CTNNBIP1: variants seen among roughly 807,000 people sequenced by gnomAD.
CTNNBIP1 encodes beta-catenin-interacting protein 1.
In CTNNBIP1, 7 loss-of-function variants were observed where a neutral mutation model predicts 11.8. That is an observed-to-expected ratio of 0.60 (90% CI 0.34 to 1.12). The LOEUF (loss-of-function observed/expected upper bound fraction) is 1.12, where lower values mean the gene tolerates loss of function less well. CTNNBIP1 is among the 50% of genes most tolerant of loss of function. CTNNBIP1 has a pLI of 0.03. For missense variants in CTNNBIP1, 101 were observed against 113.4 expected, an observed-to-expected ratio of 0.89 and a Z score of 0.50; for synonymous variants, 58 against 43.9, an observed-to-expected ratio of 1.32 and a Z score of -1.26.
chr1:9,862,087 G>A (rs569922272), intron 5 of CTNNBIP1, among the ~76,000 whole-genome samples: 1 of 142,378 alleles, frequency 7.0e-6, no homozygotes, highest in South Asian at 2.5e-4. Flanking sequence ...TTTGTGATAT[G>A]TCTTCCCAGG....
At position 9,885,313 on chromosome 1, in the gene CTNNBIP1, C is replaced by T. The variant is rs369099900; in HGVS notation, c.-143-1575G>A. ...GTGGAACAATTTTGGGGGACAATCACGAGCTGAATTTTAGACTTTAAGAGG... is the reference window on the plus strand; with the variant it reads ...GTGGAACAATTTTGGGGGACAATCATGAGCTGAATTTTAGACTTTAAGAGG... On this transcript the variant is annotated intron_variant, in intron 1 of 5. Transcript: ENST00000377263. Among the ~76,000 whole-genome samples, 58 of 152,224 alleles carry T rather than the reference C, an allele frequency of 3.8e-4. 1 individual carries two copies. Among genetic ancestry groups the T allele is most frequent in the African/African-American group, 2.6e-4 (11 of 41,536 alleles).
At chr1:9,886,548 C>T (rs547365366) in intron 1 of CTNNBIP1, among the ~76,000 whole-genome samples, 2 of 152,332 alleles carry the variant, frequency 1.3e-5, no homozygotes, top group African/African-American at 4.8e-5. Context: ...TCAGTCTTCG[C>T]CACACACGTC....
At chr1:9,875,538 G>A (rs754247584) in intron 3 of CTNNBIP1, among the ~76,000 whole-genome samples, 25 of 152,238 alleles carry the variant, frequency 1.6e-4, no homozygotes, top group Non-Finnish European at 3.4e-4. Flanking sequence ...GATTCCTAGG[G>A]CTTGGGCTGC....
chr1:9,898,481 G>T (rs1639455390), intron 1 of CTNNBIP1, among the ~76,000 whole-genome samples: 1 of 152,000 alleles, frequency 6.6e-6, no homozygotes, highest in Non-Finnish European at 1.5e-5. Flanking sequence ...CCAAGATCGT[G>T]CCACTGCACT....
At chr1:9,890,319 A>C (rs987848442) in intron 1 of CTNNBIP1, among the ~76,000 whole-genome samples, 1 of 152,212 alleles carries the variant, frequency 6.6e-6, no homozygotes, top group African/African-American at 2.4e-5. Flanking sequence ...CTATGTCTTC[A>C]GGCTCTACTG....
At chr1:9,868,493 G>A (rs1416550887) in intron 5 of CTNNBIP1, among the ~76,000 whole-genome samples, 1 of 152,210 alleles carries the variant, frequency 6.6e-6, no homozygotes, top group Non-Finnish European at 1.5e-5. Flanking sequence ...CTAGGCAAGA[G>A]TTCTCCTAAA....
intron 1 of CTNNBIP1, among the ~76,000 whole-genome samples, chr1:9,887,759 G>A (rs1193982196): frequency 6.6e-6 from 1 of 151,956 alleles, no homozygotes; most frequent in Non-Finnish European, 1.5e-5. Flanking sequence ...AACGGCTAGA[G>A]TCCAACCCAC....
At chr1:9,880,834 G>A (rs534783005) in intron 2 of CTNNBIP1, among the ~76,000 whole-genome samples, 2 of 152,134 alleles carry the variant, frequency 1.3e-5, no homozygotes, top group African/African-American at 4.8e-5. Flanking sequence ...GTTGTGCACC[G>A]TGAGGCCAGT....
At chr1:9,892,437 AAAG>A (rs1437604281) in intron 1 of CTNNBIP1, among the ~76,000 whole-genome samples, 3 of 151,326 alleles carry the variant, frequency 2.0e-5, no homozygotes, top group African/African-American at 7.3e-5. Context: ...AAAAAAAAAA[AAAG>A]ATTAGCTGGG....
intron 1 of CTNNBIP1, among the ~76,000 whole-genome samples, chr1:9,886,319 C>A (rs1639187245): frequency 6.6e-6 from 1 of 152,220 alleles, no homozygotes. Context: ...CTGCACATTG[C>A]AGAAGCTGAG....
At chr1:9,856,370 A>G (rs1638502716) in intron 5 of CTNNBIP1, among the ~76,000 whole-genome samples, 1 of 152,108 alleles carries the variant, frequency 6.6e-6, no homozygotes, top group African/African-American at 2.4e-5. Context: ...ATAAATAAAT[A>G]AAGAGAACTT....
intron 1 of CTNNBIP1, among the ~76,000 whole-genome samples, chr1:9,903,638 T>C (rs772747577): frequency 2.6e-5 from 4 of 152,162 alleles, no homozygotes; most frequent in Non-Finnish European, 5.9e-5. Flanking sequence ...AACACCACCA[T>C]GCCCCTGGGA....
At chr1:9,904,700 G>A (rs1304973086) in intron 1 of CTNNBIP1, among the ~76,000 whole-genome samples, 10 of 152,218 alleles carry the variant, frequency 6.6e-5, no homozygotes, top group Middle Eastern at 3.4e-3. Context: ...TATGTGTGTC[G>A]CTGATGCATT....
At chr1:9,859,894 G>A (rs1156838730) in intron 5 of CTNNBIP1, among the ~76,000 whole-genome samples, 3 of 152,204 alleles carry the variant, frequency 2.0e-5, no homozygotes, top group Non-Finnish European at 4.4e-5. Flanking sequence ...CTGATCTGTA[G>A]ACCCTGTTCC....
intron 5 of CTNNBIP1, among the ~76,000 whole-genome samples, chr1:9,853,392 T>C (rs1638431596): frequency 6.6e-6 from 1 of 152,218 alleles, no homozygotes; most frequent in South Asian, 2.1e-4. Context: ...GTTCCCCTTT[T>C]CCTCTTCTCT....
intron 5 of CTNNBIP1, among the ~76,000 whole-genome samples, chr1:9,865,785 C>T (rs1638731895): frequency 6.6e-6 from 1 of 152,212 alleles, no homozygotes; most frequent in Non-Finnish European, 1.5e-5. Context: ...TCTGCTCTTT[C>T]TCCCTTTCCC....
intron 1 of CTNNBIP1, among the ~76,000 whole-genome samples, chr1:9,887,059 G>C (rs1299833703): frequency 6.6e-6 from 1 of 152,206 alleles, no homozygotes. Context: ...ATTCTTAGGG[G>C]ATAAGCCTGG....
rs1327485724 is a variant in CTNNBIP1 at position 9,851,730 on chromosome 1, G to A, written c.188-954C>T. Among the ~76,000 whole-genome samples, 11 of 152,166 alleles carry A rather than the reference G, an allele frequency of 7.2e-5. No individual in the cohort carries two copies. The highest frequency in any genetic ancestry group is 5.2e-4 in the Admixed American group (8 of 15,274). ...CTGGCCCAGGCACTTGTGAAATCAC[G>A]TCCTTTGTCTTGTTTTCCAGAGGAC... On this transcript the variant is annotated intron_variant, in intron 5 of 5. Transcript: ENST00000377263. The surrounding 1 kb of genome is among the most constrained non-coding windows in gnomAD (Gnocchi z 4.8).
At chr1:9,853,471 A>C (rs1348324316) in intron 5 of CTNNBIP1, among the ~76,000 whole-genome samples, 1 of 152,230 alleles carries the variant, frequency 6.6e-6, no homozygotes, top group Non-Finnish European at 1.5e-5. Flanking sequence ...TCGATCCCTC[A>C]GAGCTGCAGT....
Sources: gnomAD v4.1 joint callset for allele counts (sites outside exome capture counted in the v4.1 genomes callset) on GRCh38, gnomAD v4.1.1 for gene constraint, Gnocchi (gnomAD v3.1) non-coding constraint, MANE v1.5 for transcripts, NCBI Gene and HGNC (gene_info 2026-07-23, HGNC 2026-07-21) for gene names.